The following PPP1R12A variants were observed in gnomAD, a reference collection of about 807,000 sequenced individuals.
PPP1R12A encodes myosin binding subunit.
A neutral mutation model predicts 139.6 loss-of-function variants in PPP1R12A; 19 were observed. That is an observed-to-expected ratio of 0.14 (90% CI 0.09 to 0.20). The LOEUF (loss-of-function observed/expected upper bound fraction) is 0.20. Among genes scored for constraint, PPP1R12A ranks in the 10% least tolerant of loss-of-function variants. The pLI, the probability that PPP1R12A is intolerant of heterozygous loss-of-function variation, is 1.00. For missense variants in PPP1R12A, 925 were observed against 1,211.5 expected (o/e 0.76, Z 3.51); for synonymous variants, 427 against 420.6 (o/e 1.02, Z -0.19).
At chr12:79,794,873 A>G (rs1316939054) in intron 18 of PPP1R12A, among the ~76,000 whole-genome samples, 1 of 152,118 alleles carries the variant, frequency 6.6e-6, no homozygotes, top group Non-Finnish European at 1.5e-5. Flanking sequence ...TATAAAATTT[A>G]TAGTTCTAGT....
intron 1 of PPP1R12A, among the ~76,000 whole-genome samples, chr12:79,901,829 T>A (rs185972162): frequency 6.6e-6 from 1 of 152,126 alleles, no homozygotes; most frequent in East Asian, 1.9e-4. Flanking sequence ...AGGGCGCTAA[T>A]AGGAAAAGAC....
intron 3 of PPP1R12A, among the ~76,000 whole-genome samples, chr12:79,834,171 G>T (rs889501163): frequency 3.3e-5 from 5 of 152,168 alleles, no homozygotes; most frequent in Admixed American, 2.0e-4. Context: ...GTAATGAGAA[G>T]GGATGTTATT....
intron 1 of PPP1R12A, among the ~76,000 whole-genome samples, chr12:79,881,846 G>C (rs1438057916): frequency 6.6e-6 from 1 of 152,164 alleles, no homozygotes; most frequent in Non-Finnish European, 1.5e-5. Flanking sequence ...TTTGAAGCCA[G>C]TGCTCATTAC....
chr12:79,899,424 T>C (rs916491048), intron 1 of PPP1R12A, among the ~76,000 whole-genome samples: 2 of 152,014 alleles, frequency 1.3e-5, no homozygotes, highest in African/African-American at 4.8e-5. Context: ...GTTCTGGGTT[T>C]TTTTTTCCAC....
At chr12:79,845,487 C>G in intron 2 of PPP1R12A, 67 bp from the exon 3 acceptor site, 1 of 1,152,262 alleles carries the variant, frequency 8.7e-7, no homozygotes, top group Non-Finnish European at 1.3e-6. Flanking sequence ...AAATGCATAA[C>G]CAATGAGGAA....
chr12:79,777,212 T>C, intron 24 of PPP1R12A: 2 of 924,122 alleles, frequency 2.2e-6, no homozygotes, highest in Non-Finnish European at 2.6e-6. Flanking sequence ...TAAAGAACTG[T>C]AAATAATAGT....
intron 2 of PPP1R12A, among the ~76,000 whole-genome samples, chr12:79,866,498 T>C (rs1881976634): frequency 6.6e-6 from 1 of 152,200 alleles, no homozygotes; most frequent in African/African-American, 2.4e-5. Flanking sequence ...AAAGATATTC[T>C]GCACAGCAAA....
rs1387641886 is a variant in PPP1R12A, at chr12:79,796,803, T to C, written c.2440A>G (p.Ile814Val). 31 of 1,605,930 alleles carry C rather than the reference T, an allele frequency of 1.9e-5. No homozygotes were observed. Among genetic ancestry groups the C allele is most frequent in the Non-Finnish European group, 2.6e-5 (31 of 1,176,506 alleles). ...TTACCTCTTTCATTTTCTTTTGTTA[T>C]TCCTCTGGAGTAAGCAGAAGTTATG... ...VGITSAYSRG[I>V]TKENEREGEK... Residue 814 changes from isoleucine to valine, a missense_variant, in exon 17 of 25, where the codon ATA (isoleucine) becomes GTA (valine). This residue lies in a region of PPP1R12A where 315 missense variants were observed against 363.4 expected (regional missense o/e 0.87). Transcript: ENST00000450142.
At chr12:79,818,859 A>T (rs1875735442) in intron 8 of PPP1R12A, 2 of 152,220 alleles carry the variant, frequency 1.3e-5, no homozygotes, top group Non-Finnish European at 2.9e-5. Flanking sequence ...CAAGGAAATA[A>T]CCTTACAAAA....
rs780956891 is a variant in PPP1R12A at position 79,817,455 on chromosome 12, A to G, written c.1178T>C (p.Val393Ala). The G allele has an allele frequency of 1.4e-5, 22 of 1,610,528 alleles. No homozygotes were observed. Among genetic ancestry groups the G allele is most frequent in the Non-Finnish European group, 1.9e-5 (22 of 1,178,080 alleles). Reference sequence around the variant, plus strand: ...TGACACAGTAGGTGTTGTAACAGCTACAGGAGCTGCTTGTGTACTAGAAGT... The same window carrying G: ...TGACACAGTAGGTGTTGTAACAGCTGCAGGAGCTGCTTGTGTACTAGAAGT... ...ANTSSTQAAP[V>A]AVTTPTVSSG... Residue 393 changes from valine (V) to alanine (A), a missense_variant, in exon 9 of 25, where the codon GTA becomes GCA. Transcript: ENST00000450142.
At chr12:79,845,182 A>G (rs1034424126) in intron 3 of PPP1R12A, 120 bp downstream of exon 3, 1 of 719,398 alleles carries the variant, frequency 1.4e-6, no homozygotes, top group South Asian at 1.8e-5. Flanking sequence ...TTGTTTTGCA[A>G]GCTGAATTCA....
Position 79,828,481 on chromosome 12 carries a change from G to T in PPP1R12A, c.648-17C>A. On this transcript the variant is annotated splice_polypyrimidine_tract_variant and intron_variant, in intron 4 of 24. Coordinates refer to ENST00000450142, the MANE Select transcript of PPP1R12A (RefSeq NM_002480.3). ...ATTAAAAGTCTAAAGAAATTACAGTGAATTAGACAATCATTAAAATCTAGA... is the reference window on the plus strand; with the variant it reads ...ATTAAAAGTCTAAAGAAATTACAGTTAATTAGACAATCATTAAAATCTAGA... 1 of 1,524,610 alleles carries T rather than the reference G, an allele frequency of 6.6e-7. No individual in the cohort carries two copies. Among genetic ancestry groups the T allele is most frequent in the South Asian group, 1.2e-5 (1 of 80,950 alleles). 94.4% of individuals were successfully genotyped at this position (1,524,610 alleles called of 1,614,324 possible). A position where few individuals can be genotyped will look rare whatever the true frequency, so the allele number is the denominator to read the frequency against.
chr12:79,918,331 T>C (rs918537472), intron 1 of PPP1R12A, among the ~76,000 whole-genome samples: 1 of 152,152 alleles, frequency 6.6e-6, no homozygotes, highest in Non-Finnish European at 1.5e-5. Context: ...TAGTTATAGT[T>C]AGGCCACCCC....
intron 9 of PPP1R12A, among the ~76,000 whole-genome samples, chr12:79,816,582 G>A (rs952047794): frequency 1.7e-4 from 26 of 152,146 alleles, no homozygotes; most frequent in Admixed American, 1.3e-3. Flanking sequence ...GCAGGAAAAC[G>A]TAAAGTCTTA....
chr12:79,935,459 T>C (rs1888596546), upstream of PPP1R12A: 2 of 987,512 alleles, frequency 2.0e-6, no homozygotes, highest in African/African-American at 1.7e-5. Flanking sequence ...CAGATCTGCC[T>C]CCCGTGCTGT....
rs1872562851 is a variant in PPP1R12A at position 79,796,859 on chromosome 12, C to T, written c.2384G>A (p.Ser795Asn). The change falls in exon 17 of 25, where the codon AGT becomes AAT. Residue 795 changes from serine (S) to asparagine (N), a missense_variant. Around this residue, in one of 4 missense-constraint regions of PPP1R12A, gnomAD observed 315 missense variants for 363.4 expected, o/e 0.87. Coordinates refer to ENST00000450142, the MANE Select transcript of PPP1R12A (RefSeq NM_002480.3). ...AAGACTATTTGGCCTGTTTAGTTGA[C>T]TTGAAGCATACAGTGAACTGCTCAT... ...STMSSSLYAS[S>N]QLNRPNSLVG... The T allele has an allele frequency of 6.2e-7, 1 of 1,611,578 alleles. No individual in the cohort carries two copies. The highest frequency in any genetic ancestry group is 1.1e-5 in the South Asian group (1 of 91,002).
chr12:79,930,261 G>A (rs115142483), intron 1 of PPP1R12A, among the ~76,000 whole-genome samples: 51 of 152,234 alleles, frequency 3.4e-4, no homozygotes, highest in African/African-American at 1.2e-3. Context: ...TAGTTGAAAC[G>A]TAAGCAAGTT....
At chr12:79,826,286 A>C (rs1387563128) in intron 5 of PPP1R12A, among the ~76,000 whole-genome samples, 1 of 151,894 alleles carries the variant, frequency 6.6e-6, no homozygotes. Context: ...ATGTGTAAAA[A>C]AGGCTGAAAA....
chr12:79,923,918 C>T (rs1161040898), intron 1 of PPP1R12A, among the ~76,000 whole-genome samples: 1 of 152,104 alleles, frequency 6.6e-6, no homozygotes, highest in African/African-American at 2.4e-5. Flanking sequence ...GTGGTGGACG[C>T]CTGTAATCCC....
Sources: gnomAD v4.1 joint callset for allele counts (sites outside exome capture counted in the v4.1 genomes callset) on GRCh38, gnomAD v4.1.1 for gene constraint, gnomAD v4.1.1 regional missense constraint, MANE v1.5 for transcripts, NCBI Gene and HGNC (gene_info 2026-07-23, HGNC 2026-07-21) for gene names.